Variants in ANKRD44 observed in about 807,000 individuals in gnomAD.
The protein encoded by ANKRD44 is ankyrin repeat domain 44, also known as serine/threonine-protein phosphatase 6 regulatory ankyrin repeat subunit B.
Under a neutral mutation model 116.0 loss-of-function variants are expected in ANKRD44, and 35 were observed. The ratio of observed to expected loss-of-function variants is 0.30; its 90% CI spans 0.23 to 0.40. The LOEUF is 0.40. Ranked by LOEUF, ANKRD44 falls within the 10% of genes least tolerant of loss-of-function variation. ANKRD44 has a pLI of 1.00. For missense variants in ANKRD44, 1,014 were observed against 1,242.6 expected, an observed-to-expected ratio of 0.82 and a Z score of 2.77; for synonymous variants, 435 against 461.8, an observed-to-expected ratio of 0.94 and a Z score of 0.74.
chr2:197,043,430 A>G (rs1190253327), intron 16 of ANKRD44, among the ~76,000 whole-genome samples: 1 of 151,972 alleles, frequency 6.6e-6, no homozygotes, highest in Non-Finnish European at 1.5e-5. Context: ...ATGGTCTCAA[A>G]CTCCTGCCCT....
chr2:197,040,893 C>G (rs2076898367), intron 16 of ANKRD44, among the ~76,000 whole-genome samples: 1 of 152,116 alleles, frequency 6.6e-6, no homozygotes, highest in South Asian at 2.1e-4. Flanking sequence ...TACTGGTTCC[C>G]TCATTACTTA....
At chr2:197,035,315 C>T (rs2076788227) in intron 16 of ANKRD44, among the ~76,000 whole-genome samples, 2 of 147,914 alleles carry the variant, frequency 1.4e-5, no homozygotes, top group South Asian at 4.4e-4. Flanking sequence ...CCAGGGGCCC[C>T]GAGAGACCTC....
intron 23 of ANKRD44, among the ~76,000 whole-genome samples, chr2:196,999,902 A>C (rs1045676608): frequency 6.6e-6 from 1 of 152,188 alleles, no homozygotes; most frequent in Non-Finnish European, 1.5e-5. Context: ...CCAGACACAC[A>C]TATGAGAATG....
At chr2:197,054,520 T>C (rs936406533) in intron 16 of ANKRD44, among the ~76,000 whole-genome samples, 1 of 152,198 alleles carries the variant, frequency 6.6e-6, no homozygotes, top group Non-Finnish European at 1.5e-5. Context: ...ATAAAGTGCC[T>C]GTAGAAGCAC....
intron 16 of ANKRD44, among the ~76,000 whole-genome samples, chr2:197,035,162 A>G (rs1235172421): frequency 6.6e-6 from 1 of 152,236 alleles, no homozygotes; most frequent in Non-Finnish European, 1.5e-5. Context: ...TGGTAAGCCA[A>G]CTGGCTGCTG....
chr2:197,002,061 G>A (rs2076123869), intron 21 of ANKRD44, among the ~76,000 whole-genome samples: 1 of 152,144 alleles, frequency 6.6e-6, no homozygotes, highest in Non-Finnish European at 1.5e-5. Flanking sequence ...AAGGTCATAT[G>A]GTCTGGTGAA....
intron 21 of ANKRD44, among the ~76,000 whole-genome samples, chr2:196,968,459 G>A (rs1467459541): frequency 6.6e-6 from 1 of 152,162 alleles, no homozygotes; most frequent in African/African-American, 2.4e-5. Context: ...TATTGTTCCA[G>A]GATACTGACA....
chr2:197,307,193 T>C (rs2084097728), intron 1 of ANKRD44, among the ~76,000 whole-genome samples: 1 of 152,210 alleles, frequency 6.6e-6, no homozygotes, highest in African/African-American at 2.4e-5. Context: ...AAAATTTTCT[T>C]TCCCAAACTT....
At chr2:197,015,708 C>A in intron 17 of ANKRD44, 1 of 544,126 alleles carries the variant, frequency 1.8e-6, no homozygotes. Flanking sequence ...GTGATGGTGG[C>A]ACCTATGATG....
At chr2:197,139,351 T>C (rs2079300708) in intron 3 of ANKRD44, among the ~76,000 whole-genome samples, 3 of 152,202 alleles carry the variant, frequency 2.0e-5, no homozygotes. Flanking sequence ...CAGACTGAAG[T>C]TCTGTATATA....
chr2:197,263,578 G>C (rs929114369), intron 1 of ANKRD44: 6 of 255,956 alleles, frequency 2.3e-5, no homozygotes, highest in African/African-American at 9.2e-5. Context: ...CCCATGTCTT[G>C]TCAGCCCTGT....
intron 16 of ANKRD44, among the ~76,000 whole-genome samples, chr2:197,039,690 T>TGTGTGTGTGC (rs2076873491): frequency 3.7e-5 from 1 of 27,200 alleles, no homozygotes; most frequent in African/African-American, 3.1e-4. Flanking sequence ...CGTGTGTGTG[T>TGTGTGTGTGC]GTGTGTGTGT....
intron 1 of ANKRD44, among the ~76,000 whole-genome samples, chr2:197,245,004 G>C (rs1444876986): frequency 6.6e-6 from 1 of 152,190 alleles, no homozygotes; most frequent in Non-Finnish European, 1.5e-5. Flanking sequence ...GCCGGGTGTG[G>C]TAGCTCATGC....
Position 196,989,497 on chromosome 2 carries a change from T to C in ANKRD44, c.*94A>G, listed in dbSNP as rs1024776154. On this transcript the variant is annotated 3_prime_UTR_variant, in exon 28 of 28. Transcript: ENST00000282272. ...AAGCATTTTGGTCCTCATGTGTAGC[T>C]GGCTGATGAACTACACACACACACA... 3.7e-6 allele frequency: 5 copies of C among 1,367,234 alleles called. No homozygotes were observed. Among genetic ancestry groups the C allele is most frequent in the Non-Finnish European group, 3.8e-6 (4 of 1,054,314 alleles). 84.7% of individuals were successfully genotyped at this position (1,367,234 alleles called of 1,614,324 possible).
chr2:197,053,053 T>C (rs1037862489), intron 16 of ANKRD44, among the ~76,000 whole-genome samples: 3 of 151,950 alleles, frequency 2.0e-5, no homozygotes, highest in Admixed American at 6.6e-5. Context: ...TGCCTGTAGT[T>C]CCAGCTACTC....
At chr2:197,059,033 A>C (rs869159737) in intron 16 of ANKRD44, among the ~76,000 whole-genome samples, 1 of 151,870 alleles carries the variant, frequency 6.6e-6, no homozygotes, top group Non-Finnish European at 1.5e-5. Context: ...AATAATTTTC[A>C]TCTAGATGAT....
chr2:197,307,501 T>C (rs940178442), intron 1 of ANKRD44, among the ~76,000 whole-genome samples: 2 of 146,408 alleles, frequency 1.4e-5, no homozygotes, highest in Admixed American at 7.0e-5. Flanking sequence ...AAGTGCTAAA[T>C]GCCAAGTTTG....
intron 1 of ANKRD44, among the ~76,000 whole-genome samples, chr2:197,264,419 T>A (rs2697277): frequency 0.17 from 26,447 of 152,202 alleles, 2,422 homozygotes; most frequent in Middle Eastern, 0.28. Context: ...TGATAGCCAT[T>A]CCTTACGCAG....
At chr2:197,054,655 C>T (rs955743562) in intron 16 of ANKRD44, among the ~76,000 whole-genome samples, 2 of 152,168 alleles carry the variant, frequency 1.3e-5, no homozygotes, top group Admixed American at 1.3e-4. Context: ...CGTCCACTAG[C>T]TATTTCCAGT....
Sources: allele counts gnomAD v4.1 joint callset (sites outside exome capture counted in the v4.1 genomes callset), GRCh38; gene constraint gnomAD v4.1.1; transcripts MANE v1.5; gene names NCBI Gene and HGNC (gene_info 2026-07-23, HGNC 2026-07-21).